Variants in PARD3B observed in about 807,000 individuals in gnomAD.
PARD3B encodes the protein partitioning defective 3 homolog B.
A neutral mutation model predicts 130.2 loss-of-function variants in PARD3B; 103 were observed. The observed-to-expected ratio is 0.79, with a 90% CI of 0.67 to 0.93. The LOEUF (loss-of-function observed/expected upper bound fraction) is 0.93, where lower values mean the gene tolerates loss of function less well. Ranked by LOEUF, PARD3B falls within the 40% of genes least tolerant of loss-of-function variation. The pLI is 0.00. For synonymous variants in PARD3B, 583 were observed against 553.2 expected, an observed-to-expected ratio of 1.05 and a Z score of -0.76; for missense variants, 1,609 against 1,499.2, an observed-to-expected ratio of 1.07 and a Z score of -1.21.
At chr2:205,214,138 T>G (rs190723785) in intron 15 of PARD3B, among the ~76,000 whole-genome samples, 1 of 152,232 alleles carries the variant, frequency 6.6e-6, no homozygotes, top group Admixed American at 6.5e-5. Context: ...ATTATTTTAA[T>G]GTATAAGATG....
At chr2:205,254,452 T>C (rs545238217) in intron 16 of PARD3B, among the ~76,000 whole-genome samples, 1 of 152,258 alleles carries the variant, frequency 6.6e-6, no homozygotes, top group Non-Finnish European at 1.5e-5. Flanking sequence ...AGAAATATTT[T>C]AGGATGTATT....
intron 21 of PARD3B, among the ~76,000 whole-genome samples, chr2:205,513,175 T>C (rs2050657492): frequency 6.6e-6 from 1 of 152,070 alleles, no homozygotes; most frequent in Non-Finnish European, 1.5e-5. Flanking sequence ...ATGTGAATGA[T>C]AGCAGGAAGC....
chr2:205,219,804 A>G (rs752077860), intron 15 of PARD3B, among the ~76,000 whole-genome samples: 3 of 152,178 alleles, frequency 2.0e-5, no homozygotes, highest in Non-Finnish European at 2.9e-5. Context: ...CCATGGAATG[A>G]TCAGAAAATG....
At chr2:205,471,260 A>G (rs2048817940) in intron 20 of PARD3B, among the ~76,000 whole-genome samples, 1 of 151,570 alleles carries the variant, frequency 6.6e-6, no homozygotes, top group African/African-American at 2.4e-5. Flanking sequence ...ATATTGATAT[A>G]TCTATATGTC....
Position 205,050,180 on chromosome 2 carries a change from AAT to A in PARD3B, c.504+2497_504+2498del, listed in dbSNP as rs1396574689. Among the ~76,000 whole-genome samples, 5 of 148,214 alleles carry A rather than the reference AAT, an allele frequency of 3.4e-5. 1 individual carries two copies. The South Asian group carries it at 8.4e-4, about 25-fold the overall frequency. ...ACCAGCTAATTAATTATTATTAATT[AAT>A]ATATATTAATATATAAATATATAAT... On this transcript the variant is annotated intron_variant, in intron 4 of 22. Transcript: ENST00000406610.
intron 4 of PARD3B, among the ~76,000 whole-genome samples, chr2:205,054,437 T>TG (rs1491373014): frequency 3.6e-5 from 1 of 27,522 alleles, no homozygotes; most frequent in African/African-American, 1.7e-4. Flanking sequence ...TATATATATA[T>TG]TTTTTTTTTT....
At chr2:204,919,251 C>A (rs1176069151) in intron 2 of PARD3B, among the ~76,000 whole-genome samples, 2 of 152,082 alleles carry the variant, frequency 1.3e-5, no homozygotes, top group African/African-American at 4.8e-5. Context: ...ATTTAAAGAT[C>A]TTTATAAAGT....
At chr2:204,745,906 CT>C (rs1484855291) in intron 2 of PARD3B, among the ~76,000 whole-genome samples, 5 of 151,938 alleles carry the variant, frequency 3.3e-5, no homozygotes, top group African/African-American at 1.2e-4. Flanking sequence ...CTCTTCATTC[CT>C]TTGTTTTTGC....
intron 21 of PARD3B, among the ~76,000 whole-genome samples, chr2:205,549,712 C>T (rs995591047): frequency 3.3e-5 from 5 of 152,092 alleles, no homozygotes; most frequent in African/African-American, 9.7e-5. Flanking sequence ...TGAATACATG[C>T]CATTATACAT....
intron 2 of PARD3B, among the ~76,000 whole-genome samples, chr2:204,765,672 A>G (rs1021316717): frequency 3.9e-5 from 6 of 152,194 alleles, no homozygotes; most frequent in African/African-American, 7.2e-5. Context: ...TGAAAGAAGT[A>G]CCATTTAATT....
intron 2 of PARD3B, among the ~76,000 whole-genome samples, chr2:204,706,293 G>A (rs1168237729): frequency 3.3e-5 from 5 of 151,688 alleles, no homozygotes; most frequent in African/African-American, 1.2e-4. Flanking sequence ...CTTGAACCTA[G>A]GAGGCAGAGG....
chr2:205,379,067 A>C (rs1313364094), intron 18 of PARD3B, among the ~76,000 whole-genome samples: 3 of 152,104 alleles, frequency 2.0e-5, no homozygotes, highest in Non-Finnish European at 4.4e-5. Context: ...AAAAACTCTG[A>C]GAAAAAATAT....
chr2:204,794,219 T>C (rs2042290776), intron 2 of PARD3B, among the ~76,000 whole-genome samples: 1 of 152,236 alleles, frequency 6.6e-6, no homozygotes, highest in African/African-American at 2.4e-5. Flanking sequence ...TCAGTTTTGA[T>C]AGAGATTTAG....
chr2:205,475,757 GA>G (rs2049001565), intron 20 of PARD3B, among the ~76,000 whole-genome samples: 1 of 152,228 alleles, frequency 6.6e-6, no homozygotes, highest in Non-Finnish European at 1.5e-5. Context: ...GTTGACTCCA[GA>G]AGCCTGCTCT....
intron 2 of PARD3B, among the ~76,000 whole-genome samples, chr2:204,948,546 A>G (rs1289403100): frequency 1.3e-5 from 2 of 152,288 alleles, no homozygotes; most frequent in East Asian, 3.9e-4. Context: ...TTCTGACCAC[A>G]TTTAAAACAT....
At chr2:205,438,515 G>C (rs1465539993) in intron 19 of PARD3B, among the ~76,000 whole-genome samples, 2 of 152,190 alleles carry the variant, frequency 1.3e-5, no homozygotes, top group East Asian at 3.9e-4. Context: ...GATGTCCTTT[G>C]CTCTATTTGC....
At chr2:205,334,938 G>A (rs1325780366) in intron 18 of PARD3B, among the ~76,000 whole-genome samples, 1 of 152,166 alleles carries the variant, frequency 6.6e-6, no homozygotes, top group East Asian at 1.9e-4. Context: ...TCCCTCAAAT[G>A]TGGGTTTCAT....
intron 2 of PARD3B, among the ~76,000 whole-genome samples, chr2:204,767,096 C>T (rs1177430558): frequency 1.8e-5 from 2 of 112,362 alleles, no homozygotes; most frequent in Non-Finnish European, 3.6e-5. Context: ...TGCGCTGCAC[C>T]CACTAATGTG....
At chr2:204,571,412 G>T (rs781183771) in intron 1 of PARD3B, among the ~76,000 whole-genome samples, 1 of 152,120 alleles carries the variant, frequency 6.6e-6, no homozygotes, top group Non-Finnish European at 1.5e-5. Flanking sequence ...TTTACATGCT[G>T]CCAAGGAGTG....
Sources: gnomAD v4.1 joint callset for allele counts (sites outside exome capture counted in the v4.1 genomes callset) on GRCh38, gnomAD v4.1.1 for gene constraint, MANE v1.5 for transcripts, NCBI Gene and HGNC (gene_info 2026-07-23, HGNC 2026-07-21) for gene names.